Variants in ANO1 observed in about 807,000 individuals in gnomAD.
The protein encoded by ANO1 is anoctamin 1.
A neutral mutation model predicts 124.0 loss-of-function variants in ANO1; 59 were observed. The observed-to-expected ratio is 0.48, with a 90% CI of 0.39 to 0.59. The LOEUF (loss-of-function observed/expected upper bound fraction) is 0.59, where lower values mean the gene tolerates loss of function less well. Ranked by LOEUF, ANO1 falls within the 20% of genes least tolerant of loss-of-function variation. The probability of loss-of-function intolerance (pLI) is 0.00; values close to 1 mark genes in which losing one functional copy is unlikely to be tolerated. For synonymous variants in ANO1, 529 were observed against 532.0 expected, an observed-to-expected ratio of 0.99 and a Z score of 0.08; for missense variants, 1,059 against 1,328.0, an observed-to-expected ratio of 0.80 and a Z score of 3.15.
At chr11:69,986,754 A>G (rs1315887266) in intron 1 of ANO1, among the ~76,000 whole-genome samples, 2 of 152,128 alleles carry the variant, frequency 1.3e-5, no homozygotes, top group Non-Finnish European at 2.9e-5. Flanking sequence ...ATCACCACCC[A>G]GGATATTTTT....
At chr11:70,174,454 G>A (rs576867933) in intron 22 of ANO1, among the ~76,000 whole-genome samples, 2 of 152,198 alleles carry the variant, frequency 1.3e-5, no homozygotes, top group South Asian at 2.1e-4. Flanking sequence ...AGAGGCTGTC[G>A]AAAAACAGGC....
rs116006449 is a variant in ANO1, at chr11:70,131,267, G to A, written c.1098-652G>A. Among the ~76,000 whole-genome samples the A allele has an allele frequency of 4.4e-3, 672 of 152,222 alleles. 7 individuals are homozygous for A. The highest frequency in any genetic ancestry group is 0.016 in the African/African-American group (649 of 41,528). ...GGCAACAGAGGTTGCAGGGCCCCAT[G>A]CAAGAAGAAAATGCAGGTCTTTAGT... On this transcript the variant is annotated intron_variant, in intron 10 of 25. Transcript: ENST00000355303.
chr11:70,036,886 C>A (rs1344248172), intron 1 of ANO1, among the ~76,000 whole-genome samples: 1 of 152,216 alleles, frequency 6.6e-6, no homozygotes, highest in Admixed American at 6.5e-5. Context: ...GGATTACAGG[C>A]GTGAGCCACC....
intron 7 of ANO1, among the ~76,000 whole-genome samples, chr11:70,114,258 C>T (rs1286907011): frequency 6.6e-6 from 1 of 152,230 alleles, no homozygotes; most frequent in Admixed American, 6.5e-5. Flanking sequence ...AGCTCGGAAG[C>T]CCTAGGCTGT....
chr11:70,184,131 C>G (rs2049023758), intron 24 of ANO1, among the ~76,000 whole-genome samples: 2 of 152,218 alleles, frequency 1.3e-5, no homozygotes, highest in Non-Finnish European at 2.9e-5. Context: ...CCTGGAAATC[C>G]TGCCCCTCAT....
intron 1 of ANO1, among the ~76,000 whole-genome samples, chr11:70,055,372 A>T (rs1398594034): frequency 1.3e-5 from 2 of 152,062 alleles, no homozygotes; most frequent in Non-Finnish European, 2.9e-5. Context: ...TATATACATA[A>T]TTTAAAATTA....
chr11:70,176,766 G>A (rs1210874838), intron 22 of ANO1, among the ~76,000 whole-genome samples: 2 of 152,162 alleles, frequency 1.3e-5, no homozygotes, highest in African/African-American at 2.4e-5. Context: ...CCGAGACGAT[G>A]AACCCCATTC....
chr11:69,969,238 G>A, the ANO1 span, among the ~76,000 whole-genome samples: 1 of 152,170 alleles, frequency 6.6e-6, no homozygotes, highest in Admixed American at 6.5e-5. Flanking sequence ...TGTCCCCAAA[G>A]CCCCAGGGAA....
At chr11:70,082,646 GA>G (rs1437039601) in intron 1 of ANO1, among the ~76,000 whole-genome samples, 1 of 152,206 alleles carries the variant, frequency 6.6e-6, no homozygotes, top group African/African-American at 2.4e-5. Context: ...TACAGAAACA[GA>G]AATGTTCTGA....
chr11:70,174,227 C>T (rs537711166), intron 22 of ANO1, among the ~76,000 whole-genome samples: 1 of 151,560 alleles, frequency 6.6e-6, no homozygotes, highest in African/African-American at 2.4e-5. Context: ...CGTGAGCCAC[C>T]GTGCCTGGCC....
chr11:70,075,914 C>T (rs1012994736), upstream of ANO1, among the ~76,000 whole-genome samples: 18 of 152,324 alleles, frequency 1.2e-4, no homozygotes, highest in African/African-American at 3.8e-4. Flanking sequence ...TCTTTTCCCG[C>T]TCCTATTTTG....
chr11:70,085,577 G>A (rs1361698187), intron 1 of ANO1: 18 of 1,535,794 alleles, frequency 1.2e-5, no homozygotes, highest in Non-Finnish European at 1.6e-5. Flanking sequence ...GGCATCCTAG[G>A]GCCAGAGAGG....
chr11:70,021,257 C>T (rs924518746), intron 1 of ANO1, among the ~76,000 whole-genome samples: 2 of 152,116 alleles, frequency 1.3e-5, no homozygotes, highest in East Asian at 1.9e-4. Context: ...ATTGTCATCC[C>T]GCTTAAGACT....
chr11:70,056,237 A>C (rs1857432817), intron 1 of ANO1: 1 of 152,102 alleles, frequency 6.6e-6, no homozygotes, highest in African/African-American at 2.4e-5. Context: ...CTGTTCATCC[A>C]AAAACATATT....
At chr11:70,155,817 C>A in intron 14 of ANO1, 94 bp from the exon 15 acceptor site, 4 of 1,209,518 alleles carry the variant, frequency 3.3e-6, no homozygotes, top group Non-Finnish European at 4.5e-6. Context: ...GGCCAGCCTG[C>A]TGCCAAGATG....
chr11:70,119,200 A>G (rs940985498), intron 8 of ANO1, among the ~76,000 whole-genome samples: 1 of 127,182 alleles, frequency 7.9e-6, no homozygotes, highest in Non-Finnish European at 1.6e-5. Flanking sequence ...TGATGGAAGG[A>G]TGAATGATGG....
chr11:70,074,475 G>A (rs1376975350), upstream of ANO1, among the ~76,000 whole-genome samples: 1 of 152,136 alleles, frequency 6.6e-6, no homozygotes, highest in Non-Finnish European at 1.5e-5. Context: ...GTGAGCTCTG[G>A]TTTGAGGGGT....
chr11:70,081,102 C>T (rs562922936), intron 1 of ANO1, among the ~76,000 whole-genome samples: 3 of 152,354 alleles, frequency 2.0e-5, no homozygotes, highest in East Asian at 1.9e-4. Flanking sequence ...ATTCAGGCTG[C>T]GGTTCCCAGC....
the ANO1 span, among the ~76,000 whole-genome samples, chr11:69,973,200 C>T: frequency 2.9e-4 from 44 of 152,304 alleles, no homozygotes; most frequent in Admixed American, 2.0e-3. Context: ...TGAGCCACCG[C>T]GCCCAGCTCT....
Sources: gnomAD v4.1 joint callset for allele counts (sites outside exome capture counted in the v4.1 genomes callset) on GRCh38, gnomAD v4.1.1 for gene constraint, MANE v1.5 for transcripts, NCBI Gene and HGNC (gene_info 2026-07-23, HGNC 2026-07-21) for gene names.